The following CSRNP3 variants were observed in gnomAD, a reference collection of about 807,000 sequenced individuals.
CSRNP3 encodes the protein cysteine/serine-rich nuclear protein 3.
Under a neutral mutation model 48.0 loss-of-function variants are expected in CSRNP3, and 12 were observed. The ratio of observed to expected loss-of-function variants is 0.25; its 90% CI spans 0.16 to 0.41. The LOEUF (loss-of-function observed/expected upper bound fraction) is 0.41. Ranked by LOEUF, CSRNP3 falls within the 10% of genes least tolerant of loss-of-function variation. The pLI is 1.00. For synonymous variants in CSRNP3, 263 were observed against 269.7 expected, an observed-to-expected ratio of 0.98 and a Z score of 0.24; for missense variants, 580 against 724.4, an observed-to-expected ratio of 0.80 and a Z score of 2.29.
chr2:165,606,866 AAC>A (rs1686037981), intron 4 of CSRNP3, among the ~76,000 whole-genome samples: 2 of 152,256 alleles, frequency 1.3e-5, no homozygotes, highest in African/African-American at 4.8e-5. Context: ...GTAAAAATAT[AAC>A]ATAGGAAGGG....
At chr2:165,566,009 G>A (rs904525647) in intron 3 of CSRNP3, among the ~76,000 whole-genome samples, 23 of 151,836 alleles carry the variant, frequency 1.5e-4, no homozygotes, top group Admixed American at 9.2e-4. Flanking sequence ...AGACAGAATC[G>A]TCTATCTGGG....
intron 3 of CSRNP3, among the ~76,000 whole-genome samples, chr2:165,592,917 T>A (rs994838368): frequency 6.8e-6 from 1 of 147,872 alleles, no homozygotes; most frequent in Non-Finnish European, 1.5e-5. Flanking sequence ...TTCTCCTGCC[T>A]CAGCCTCCCA....
At chr2:165,652,630 C>A (rs1177994754) in intron 4 of CSRNP3, among the ~76,000 whole-genome samples, 1 of 152,116 alleles carries the variant, frequency 6.6e-6, no homozygotes. Flanking sequence ...ACAACCTCTG[C>A]CTCCTGGGCT....
chr2:165,583,998 G>A (rs1206326454), intron 3 of CSRNP3, among the ~76,000 whole-genome samples: 3 of 152,140 alleles, frequency 2.0e-5, no homozygotes. Flanking sequence ...GGAGGAACGC[G>A]TCCACCTTAG....
chr2:165,673,738 T>C (rs578034315), intron 5 of CSRNP3, among the ~76,000 whole-genome samples: 2 of 152,234 alleles, frequency 1.3e-5, no homozygotes, highest in East Asian at 3.9e-4. Flanking sequence ...TAACCATTTT[T>C]AAAAAATAGA....
chr2:165,522,360 C>G (rs1684674734), intron 3 of CSRNP3, among the ~76,000 whole-genome samples: 1 of 152,042 alleles, frequency 6.6e-6, no homozygotes, highest in African/African-American at 2.4e-5. Flanking sequence ...ATCAGTTTCC[C>G]TTGCTAAAGT....
rs1180865002 is a variant in CSRNP3, at chr2:165,568,290, A to G, written c.-23-26753A>G. Among the ~76,000 whole-genome samples the G allele has an allele frequency of 4.6e-5, 7 of 152,006 alleles. No individual in the cohort carries two copies. In the East Asian group the frequency reaches 9.6e-4, roughly 21 times the overall value. Reference sequence around the variant, plus strand: ...TATCTTATCCCCTGGTGACTTTACAATGTCCTGCATATTGCAAACATCTTC... The same window carrying G: ...TATCTTATCCCCTGGTGACTTTACAGTGTCCTGCATATTGCAAACATCTTC... On this transcript the variant is annotated intron_variant, in intron 3 of 6. Coordinates refer to ENST00000651982, the MANE Select transcript of CSRNP3 (RefSeq NM_001172173.2).
intron 6 of CSRNP3, among the ~76,000 whole-genome samples, chr2:165,677,069 T>C (rs1245145898): frequency 6.6e-6 from 1 of 152,214 alleles, no homozygotes; most frequent in Non-Finnish European, 1.5e-5. Flanking sequence ...TGTACTTCCA[T>C]CTTTGCTGTT....
At chr2:165,592,825 G>T (rs55781537) in intron 3 of CSRNP3, among the ~76,000 whole-genome samples, 2 of 127,292 alleles carry the variant, frequency 1.6e-5, no homozygotes, top group Non-Finnish European at 3.2e-5. Context: ...TTTTTGAGAC[G>T]GAGTCTCGCT....
At chr2:165,519,895 A>G (rs1246884421) in intron 3 of CSRNP3, among the ~76,000 whole-genome samples, 2 of 152,174 alleles carry the variant, frequency 1.3e-5, no homozygotes, top group African/African-American at 4.8e-5. Context: ...AATAAATCTA[A>G]TGACTTTGCA....
chr2:165,593,772 C>T (rs1685763622), intron 3 of CSRNP3, among the ~76,000 whole-genome samples: 1 of 152,166 alleles, frequency 6.6e-6, no homozygotes, highest in African/African-American at 2.4e-5. Context: ...GAGTTAGAAT[C>T]AACTGAAATA....
chr2:165,496,662 A>G (rs1449844428), intron 2 of CSRNP3, among the ~76,000 whole-genome samples: 1 of 151,866 alleles, frequency 6.6e-6, no homozygotes, highest in African/African-American at 2.4e-5. Context: ...GTTACCTACT[A>G]TTTCTCAATC....
At chr2:165,472,253 C>G (rs58577681) in intron 1 of CSRNP3, among the ~76,000 whole-genome samples, 10 of 151,952 alleles carry the variant, frequency 6.6e-5, no homozygotes. Flanking sequence ...ATTTTTTAAA[C>G]TTAACGTCCA....
At chr2:165,651,613 G>A (rs191788161) in intron 4 of CSRNP3, among the ~76,000 whole-genome samples, 25 of 149,986 alleles carry the variant, frequency 1.7e-4, no homozygotes, top group African/African-American at 4.9e-4. Flanking sequence ...CTGGCATTGT[G>A]GATTAGTCAG....
intron 4 of CSRNP3, among the ~76,000 whole-genome samples, chr2:165,640,185 A>T (rs2105333607): frequency 6.6e-6 from 1 of 152,342 alleles, no homozygotes; most frequent in African/African-American, 2.4e-5. Flanking sequence ...ACAAACACTT[A>T]TACAGTACTT....
At chr2:165,637,670 C>G (rs143821317) in intron 4 of CSRNP3, among the ~76,000 whole-genome samples, 1 of 152,182 alleles carries the variant, frequency 6.6e-6, no homozygotes, top group Non-Finnish European at 1.5e-5. Flanking sequence ...TAAGATGACT[C>G]ATTTATAGCA....
chr2:165,543,574 C>A (rs948678599), intron 3 of CSRNP3, among the ~76,000 whole-genome samples: 2 of 151,866 alleles, frequency 1.3e-5, no homozygotes, highest in African/African-American at 4.8e-5. Flanking sequence ...AAACTAAATT[C>A]TTTTCTTTTT....
At chr2:165,588,757 C>G (rs934115399) in intron 3 of CSRNP3, among the ~76,000 whole-genome samples, 2 of 151,958 alleles carry the variant, frequency 1.3e-5, no homozygotes, top group Non-Finnish European at 2.9e-5. Flanking sequence ...GTGTTGGAGA[C>G]CAGCCTGGGC....
At chr2:165,515,636 A>C (rs910071412) in intron 2 of CSRNP3, among the ~76,000 whole-genome samples, 3 of 151,844 alleles carry the variant, frequency 2.0e-5, no homozygotes, top group Middle Eastern at 3.4e-3. Flanking sequence ...TTCTAGGATG[A>C]AATTTTAAAT....
Sources: gnomAD v4.1 joint callset for allele counts (sites outside exome capture counted in the v4.1 genomes callset) on GRCh38, gnomAD v4.1.1 for gene constraint, MANE v1.5 for transcripts, NCBI Gene and HGNC (gene_info 2026-07-23, HGNC 2026-07-21) for gene names.